Variants in CSTPP1 observed in about 807,000 individuals in gnomAD.
The protein encoded by CSTPP1 is centriolar satellite-associated tubulin polyglutamylase complex regulator 1.
At chr11:46,987,168 T>G in the CSTPP1 span, 1 of 1,585,784 alleles carries the variant, frequency 6.3e-7, no homozygotes, top group Non-Finnish European at 8.7e-7. Context: ...TTTAAAATCT[T>G]TCTCTCATTT....
the CSTPP1 span, among the ~76,000 whole-genome samples, chr11:46,948,892 C>A: frequency 6.6e-6 from 1 of 152,124 alleles, no homozygotes; most frequent in Non-Finnish European, 1.5e-5. Context: ...AAGCTCCACA[C>A]GTCAGTTATG....
the CSTPP1 span, among the ~76,000 whole-genome samples, chr11:47,004,647 C>A: frequency 2.6e-5 from 4 of 152,142 alleles, no homozygotes; most frequent in Non-Finnish European, 5.9e-5. Context: ...TTTGCATATG[C>A]CATTTTCTCA....
At chr11:47,119,602 C>CTTTTTTT in the CSTPP1 span, among the ~76,000 whole-genome samples, 1 of 61,876 alleles carries the variant, frequency 1.6e-5, no homozygotes, top group Non-Finnish European at 2.8e-5. Flanking sequence ...CTGCCCACTT[C>CTTTTTTT]TTTTTTTTTT....
the CSTPP1 span, among the ~76,000 whole-genome samples, chr11:47,073,152 T>C: frequency 1.3e-5 from 2 of 152,216 alleles, no homozygotes; most frequent in Non-Finnish European, 2.9e-5. Flanking sequence ...AAGCTATTTT[T>C]ATAGCTTTCA....
chr11:47,147,247 A>G, the CSTPP1 span, among the ~76,000 whole-genome samples: 81 of 152,222 alleles, frequency 5.3e-4, no homozygotes, highest in African/African-American at 1.7e-3. Flanking sequence ...CCTTTAAATA[A>G]AAAATGATGG....
the CSTPP1 span, among the ~76,000 whole-genome samples, chr11:47,027,961 T>A: frequency 1.4e-3 from 205 of 149,612 alleles, no homozygotes; most frequent in Non-Finnish European, 1.9e-3. Context: ...TCTTGCTCTG[T>A]TGCCCAGGCT....
the CSTPP1 span, among the ~76,000 whole-genome samples, chr11:47,116,392 A>G: frequency 2.0e-5 from 3 of 152,052 alleles, no homozygotes; most frequent in Non-Finnish European, 2.9e-5. Context: ...TGTCTTGTTG[A>G]ACTGTCTAAT....
At chr11:47,055,646 T>C in the CSTPP1 span, among the ~76,000 whole-genome samples, 1 of 152,202 alleles carries the variant, frequency 6.6e-6, no homozygotes, top group Non-Finnish European at 1.5e-5. Flanking sequence ...AATGAAATTG[T>C]GTAACTTGCA....
At chr11:47,091,617 T>A in the CSTPP1 span, among the ~76,000 whole-genome samples, 28 of 152,328 alleles carry the variant, frequency 1.8e-4, no homozygotes, top group South Asian at 1.9e-3. Context: ...TCCCTCACCC[T>A]GTGGGAGGCT....
the CSTPP1 span, among the ~76,000 whole-genome samples, chr11:47,087,424 A>G: frequency 6.6e-6 from 1 of 152,116 alleles, no homozygotes; most frequent in Non-Finnish European, 1.5e-5. Context: ...AAGATAATAT[A>G]TGTGTATTAT....
the CSTPP1 span, among the ~76,000 whole-genome samples, chr11:47,038,328 G>T: frequency 3.1e-5 from 3 of 97,092 alleles, no homozygotes; most frequent in South Asian, 3.7e-4. Context: ...CGGGCGGGGG[G>T]CTGACCCCCC....
the CSTPP1 span, among the ~76,000 whole-genome samples, chr11:47,021,975 G>A: frequency 6.6e-6 from 1 of 151,226 alleles, no homozygotes; most frequent in African/African-American, 2.4e-5. Flanking sequence ...TGTCCTTTTT[G>A]TCTCCCTACC....
At chr11:47,084,559 T>C in the CSTPP1 span, among the ~76,000 whole-genome samples, 1 of 152,188 alleles carries the variant, frequency 6.6e-6, no homozygotes, top group Non-Finnish European at 1.5e-5. Context: ...AATTATTTTT[T>C]GTTGGTAGTT....
chr11:46,957,450 C>T, the CSTPP1 span, among the ~76,000 whole-genome samples: 1 of 152,092 alleles, frequency 6.6e-6, no homozygotes, highest in Non-Finnish European at 1.5e-5. Context: ...CTACCCTTAC[C>T]CTTGATTGAT....
At chr11:47,127,561 TG>T in the CSTPP1 span, among the ~76,000 whole-genome samples, 1 of 152,300 alleles carries the variant, frequency 6.6e-6, no homozygotes, top group East Asian at 1.9e-4. Flanking sequence ...CCTTTTGTTA[TG>T]CAGGTGCCAT....
the CSTPP1 span, chr11:46,936,706 T>A: frequency 6.5e-7 from 1 of 1,544,034 alleles, no homozygotes; most frequent in Non-Finnish European, 8.7e-7. Context: ...CCAGCTCCCG[T>A]CCCCCTTCCG....
the CSTPP1 span, among the ~76,000 whole-genome samples, chr11:47,076,802 G>A: frequency 1.3e-5 from 2 of 151,672 alleles, no homozygotes; most frequent in Non-Finnish European, 2.9e-5. Flanking sequence ...CCACTGCACT[G>A]CAGCCTGGGT....
At chr11:47,050,497 G>A in the CSTPP1 span, among the ~76,000 whole-genome samples, 1 of 152,148 alleles carries the variant, frequency 6.6e-6, no homozygotes, top group South Asian at 2.1e-4. Flanking sequence ...ATGGAAATTG[G>A]GCATGGGAGA....
the CSTPP1 span, among the ~76,000 whole-genome samples, chr11:47,014,539 A>G: frequency 6.6e-6 from 1 of 152,054 alleles, no homozygotes; most frequent in Non-Finnish European, 1.5e-5. Flanking sequence ...CCCCATCTCT[A>G]CTAAAAATAC....
Sources: gnomAD v4.1 joint callset for allele counts (sites outside exome capture counted in the v4.1 genomes callset) on GRCh38, gnomAD v4.1.1 for gene constraint, MANE v1.5 for transcripts, NCBI Gene and HGNC (gene_info 2026-07-23, HGNC 2026-07-21) for gene names.